MAP2: variants seen among roughly 807,000 people sequenced by gnomAD.
MAP2 encodes microtubule associated protein 2, also known as microtubule-associated protein 2.
In MAP2, 14 loss-of-function variants were observed where a neutral mutation model predicts 137.6. The ratio of observed to expected loss-of-function variants is 0.10; its 90% CI spans 0.07 to 0.16. The LOEUF (loss-of-function observed/expected upper bound fraction) is 0.16. Among genes scored for constraint, MAP2 ranks in the 10% least tolerant of loss-of-function variants. The probability of loss-of-function intolerance (pLI) is 1.00; values close to 1 mark genes in which losing one functional copy is unlikely to be tolerated. For missense variants in MAP2, 2,088 were observed against 2,191.5 expected (o/e 0.95, Z 0.94); for synonymous variants, 786 against 782.3 (o/e 1.00, Z -0.08).
intron 2 of MAP2, among the ~76,000 whole-genome samples, chr2:209,564,984 C>T (rs1490300930): frequency 1.3e-5 from 2 of 152,124 alleles, no homozygotes; most frequent in African/African-American, 4.8e-5. Flanking sequence ...TGTGTCTCCG[C>T]CCCTTGCTGT....
At chr2:209,479,531 T>G (rs1303139787) in intron 1 of MAP2, among the ~76,000 whole-genome samples, 1 of 152,146 alleles carries the variant, frequency 6.6e-6, no homozygotes, top group African/African-American at 2.4e-5. Flanking sequence ...CACAATAACA[T>G]GGTAGTTAGA....
intron 2 of MAP2, among the ~76,000 whole-genome samples, chr2:209,568,631 A>G (rs181215199): frequency 6.6e-6 from 1 of 152,072 alleles, no homozygotes; most frequent in East Asian, 1.9e-4. Context: ...TCCTTTTAGT[A>G]GTTTTCAAAA....
chr2:209,717,570 A>G (rs1385309402), intron 13 of MAP2, among the ~76,000 whole-genome samples: 1 of 152,180 alleles, frequency 6.6e-6, no homozygotes, highest in Admixed American at 6.5e-5. Flanking sequence ...CTAATAAATT[A>G]TAGTGAAACA....
intron 1 of MAP2, among the ~76,000 whole-genome samples, chr2:209,428,909 A>T (rs528485594): frequency 1.3e-5 from 2 of 150,848 alleles, no homozygotes; most frequent in South Asian, 4.2e-4. Flanking sequence ...CCTTCTTTGA[A>T]TTACTTTATT....
chr2:209,674,212 AC>A (rs1238730208), intron 5 of MAP2, among the ~76,000 whole-genome samples: 3 of 151,872 alleles, frequency 2.0e-5, no homozygotes, highest in Admixed American at 6.6e-5. Flanking sequence ...AGTTGGGCTG[AC>A]CTTTAGTGCA....
At chr2:209,558,319 G>A (rs952631160) in intron 2 of MAP2, among the ~76,000 whole-genome samples, 1 of 152,088 alleles carries the variant, frequency 6.6e-6, no homozygotes, top group Non-Finnish European at 1.5e-5. Context: ...CTCCCAAGTA[G>A]TTGGGATTAC....
intron 1 of MAP2, among the ~76,000 whole-genome samples, chr2:209,447,719 C>A (rs1699403661): frequency 6.6e-6 from 1 of 151,948 alleles, no homozygotes; most frequent in African/African-American, 2.4e-5. Flanking sequence ...GGTTGTTTCC[C>A]AATTCTCTAA....
intron 13 of MAP2, among the ~76,000 whole-genome samples, chr2:209,718,494 C>T (rs1402295199): frequency 5.3e-5 from 8 of 151,966 alleles, no homozygotes; most frequent in Non-Finnish European, 1.0e-4. Context: ...TTTCTTCCAG[C>T]GCCCACTGAG....
intron 2 of MAP2, among the ~76,000 whole-genome samples, chr2:209,578,929 G>GTT (rs376282854): frequency 4.3e-5 from 6 of 140,004 alleles, no homozygotes; most frequent in African/African-American, 1.3e-4. Context: ...CTAATTCTCT[G>GTT]TTTTTTTTTT....
At position 209,577,711 on chromosome 2, in the gene MAP2, G is replaced by A. The variant is rs186089932; in HGVS notation, c.-171-2325G>A. On this transcript the variant is annotated intron_variant, in intron 2 of 15. Coordinates refer to ENST00000682079, the MANE Select transcript of MAP2 (RefSeq NM_001375505.1). ...TACCTAGAAGGTGCCTTGGGAGACC[G>A]ACTCAATTTGATTACCCAGTTTTAT... 1.1e-4 allele frequency among the ~76,000 whole-genome samples: 17 copies of A among 152,186 alleles called. No homozygotes were observed. The East Asian group carries it at 3.3e-3, about 29-fold the overall frequency.
chr2:209,443,450 T>G (rs1698305895), intron 1 of MAP2, among the ~76,000 whole-genome samples: 1 of 151,720 alleles, frequency 6.6e-6, no homozygotes, highest in Non-Finnish European at 1.5e-5. Context: ...AGTGATTATT[T>G]GATTAAATTG....
At chr2:209,690,919 C>T in intron 7 of MAP2, 1 of 1,184,508 alleles carries the variant, frequency 8.4e-7, no homozygotes, top group African/African-American at 1.6e-5. Context: ...AACCTGATGC[C>T]TTTCCAACGC....
chr2:209,692,562 T>G, intron 7 of MAP2, 63 bp from the exon 8 acceptor site: 1 of 1,493,042 alleles, frequency 6.7e-7, no homozygotes, highest in African/African-American at 1.4e-5. Context: ...AAATATAATT[T>G]TAAGCTTATT....
chr2:209,512,837 A>G (rs567110209), intron 2 of MAP2, among the ~76,000 whole-genome samples: 47 of 152,152 alleles, frequency 3.1e-4, no homozygotes, highest in African/African-American at 1.1e-3. Flanking sequence ...TTTTATACAG[A>G]CAGGGTCTCT....
chr2:209,692,579 A>G (rs1156938851), intron 7 of MAP2, 46 bp from the exon 8 acceptor site: 1 of 1,513,678 alleles, frequency 6.6e-7, no homozygotes, highest in Non-Finnish European at 8.8e-7. Flanking sequence ...TATTTCCTGA[A>G]CGCACTTGCC....
At chr2:209,650,709 T>G (rs1227323152) in intron 4 of MAP2, among the ~76,000 whole-genome samples, 2 of 152,234 alleles carry the variant, frequency 1.3e-5, no homozygotes, top group Non-Finnish European at 2.9e-5. Flanking sequence ...TGTACCATAC[T>G]GATGCAAAAT....
chr2:209,543,203 A>G (rs2153267785), intron 2 of MAP2, among the ~76,000 whole-genome samples: 1 of 152,346 alleles, frequency 6.6e-6, no homozygotes, highest in African/African-American at 2.4e-5. Flanking sequence ...GAAATAGGGG[A>G]AAGGCCAGTC....
chr2:209,698,934 G>A (rs1391956697), intron 10 of MAP2, among the ~76,000 whole-genome samples: 1 of 152,104 alleles, frequency 6.6e-6, no homozygotes, highest in Admixed American at 6.6e-5. Flanking sequence ...AACGTAAAAT[G>A]GTTTAGTAAA....
chr2:209,714,512 A>G (rs1479455646), intron 13 of MAP2, among the ~76,000 whole-genome samples: 1 of 152,218 alleles, frequency 6.6e-6, no homozygotes, highest in East Asian at 1.9e-4. Flanking sequence ...TAAATAAAGA[A>G]CTTTGTAAAA....
Sources: allele counts gnomAD v4.1 joint callset (sites outside exome capture counted in the v4.1 genomes callset), GRCh38; gene constraint gnomAD v4.1.1; transcripts MANE v1.5; gene names NCBI Gene and HGNC (gene_info 2026-07-23, HGNC 2026-07-21).